CTNNA2: variants seen among roughly 807,000 people sequenced by gnomAD.
The protein encoded by CTNNA2 is catenin alpha-2.
A neutral mutation model predicts 101.0 loss-of-function variants in CTNNA2; 42 were observed. That is an observed-to-expected ratio of 0.42 (90% CI 0.32 to 0.54). The LOEUF (loss-of-function observed/expected upper bound fraction) is 0.54, where lower values mean the gene tolerates loss of function less well. Among genes scored for constraint, CTNNA2 ranks in the 20% least tolerant of loss-of-function variants. The pLI is 0.14. For synonymous variants in CTNNA2, 450 were observed against 456.4 expected (o/e 0.99, Z 0.18); for missense variants, 871 against 1,223.1 (o/e 0.71, Z 4.29).
intron 13 of CTNNA2, chr2:80,575,373 G>A (rs1193325300): frequency 6.6e-6 from 1 of 152,052 alleles, no homozygotes; most frequent in Non-Finnish European, 1.5e-5. Context: ...GGCACACTAT[G>A]GTGTTTTGTT....
At chr2:79,542,348 C>T (rs1382980476) in intron 1 of CTNNA2, among the ~76,000 whole-genome samples, 2 of 152,114 alleles carry the variant, frequency 1.3e-5, no homozygotes, top group Admixed American at 1.3e-4. Context: ...AATAACTATT[C>T]TATTTAGTAT....
chr2:79,903,500 T>A (rs998098358), intron 6 of CTNNA2, among the ~76,000 whole-genome samples: 16 of 152,122 alleles, frequency 1.1e-4, no homozygotes, highest in African/African-American at 1.7e-4. Context: ...GGCAGAGAAG[T>A]CGCTTCAGAA....
At chr2:79,271,282 A>G (rs545159561) in intron 2 of CTNNA2, among the ~76,000 whole-genome samples, 8 of 152,046 alleles carry the variant, frequency 5.3e-5, no homozygotes, top group African/African-American at 9.7e-5. Flanking sequence ...TATGGGTGAT[A>G]GAAGCATGTC....
intron 9 of CTNNA2, among the ~76,000 whole-genome samples, chr2:80,481,310 A>G (rs932171552): frequency 1.3e-5 from 2 of 152,034 alleles, no homozygotes; most frequent in African/African-American, 4.8e-5. Context: ...TCTTTGGGGT[A>G]TTGTATACAT....
chr2:80,567,096 C>T (rs1038197812), intron 12 of CTNNA2, among the ~76,000 whole-genome samples: 3 of 152,110 alleles, frequency 2.0e-5, no homozygotes, highest in South Asian at 2.1e-4. Context: ...GCGAAGTAGA[C>T]GTATAGATCC....
intron 2 of CTNNA2, among the ~76,000 whole-genome samples, chr2:79,229,202 C>T (rs531856881): frequency 3.3e-5 from 5 of 152,192 alleles, no homozygotes; most frequent in Non-Finnish European, 5.9e-5. Flanking sequence ...ATGCCTCTGG[C>T]TTTTTACTTT....
At chr2:80,307,103 A>G (rs1276483630) in intron 7 of CTNNA2, among the ~76,000 whole-genome samples, 1 of 150,274 alleles carries the variant, frequency 6.7e-6, no homozygotes, top group Non-Finnish European at 1.5e-5. Flanking sequence ...TTGCATTATT[A>G]TCCTGCAAAT....
chr2:79,197,727 T>A (rs1192381567), intron 1 of CTNNA2, among the ~76,000 whole-genome samples: 4 of 152,224 alleles, frequency 2.6e-5, no homozygotes, highest in Non-Finnish European at 4.4e-5. Flanking sequence ...TTACCTAGCC[T>A]CTGTGCCGTG....
intron 1 of CTNNA2, among the ~76,000 whole-genome samples, chr2:79,572,971 C>T (rs1675553356): frequency 6.6e-6 from 1 of 152,120 alleles, no homozygotes; most frequent in African/African-American, 2.4e-5. Context: ...TCACATATGG[C>T]ACATTAATTA....
At chr2:79,648,126 C>G (rs1056003322) in intron 1 of CTNNA2, among the ~76,000 whole-genome samples, 1 of 152,158 alleles carries the variant, frequency 6.6e-6, no homozygotes, top group Non-Finnish European at 1.5e-5. Flanking sequence ...ACCTCAAATG[C>G]CTGTGCATTT....
intron 12 of CTNNA2, among the ~76,000 whole-genome samples, chr2:80,568,596 T>TGTGTGA (rs1234760374): frequency 7.0e-6 from 1 of 142,502 alleles, no homozygotes; most frequent in African/African-American, 2.6e-5. Context: ...TGTGTGTGTG[T>TGTGTGA]GAGATTAGGA....
At chr2:80,025,648 T>C (rs1306594975) in intron 7 of CTNNA2, among the ~76,000 whole-genome samples, 2 of 152,180 alleles carry the variant, frequency 1.3e-5, no homozygotes, top group African/African-American at 4.8e-5. Flanking sequence ...GAGTCCAAAA[T>C]GACCATTCTC....
chr2:80,053,402 C>A (rs1319213131), intron 7 of CTNNA2, among the ~76,000 whole-genome samples: 1 of 152,150 alleles, frequency 6.6e-6, no homozygotes, highest in Non-Finnish European at 1.5e-5. Context: ...AAGTAAATAT[C>A]TCTATCATAT....
chr2:80,565,776 G>A (rs1573292396), intron 12 of CTNNA2, among the ~76,000 whole-genome samples: 2 of 152,038 alleles, frequency 1.3e-5, no homozygotes. Context: ...CTCGATTCCC[G>A]ATTCCCGGTG....
intron 1 of CTNNA2, among the ~76,000 whole-genome samples, chr2:79,598,465 C>T (rs888398186): frequency 6.6e-6 from 1 of 152,212 alleles, no homozygotes; most frequent in Non-Finnish European, 1.5e-5. Context: ...ACATCCTCGC[C>T]AGCATTTGGT....
chr2:79,778,442 T>C (rs1674157572), intron 3 of CTNNA2, among the ~76,000 whole-genome samples: 1 of 152,190 alleles, frequency 6.6e-6, no homozygotes, highest in Admixed American at 6.5e-5. Flanking sequence ...ATTTAATGTG[T>C]TAGTATGGCA....
intron 2 of CTNNA2, among the ~76,000 whole-genome samples, chr2:79,212,571 T>C (rs1245031215): frequency 6.6e-6 from 1 of 152,202 alleles, no homozygotes; most frequent in Non-Finnish European, 1.5e-5. Context: ...AAGGTTTCAC[T>C]GAATACTAAG....
chr2:80,033,710 T>C (rs1053986295), intron 7 of CTNNA2, among the ~76,000 whole-genome samples: 7 of 152,100 alleles, frequency 4.6e-5, no homozygotes, highest in African/African-American at 1.4e-4. Context: ...ATGAAGTATC[T>C]ATGGTTAGAA....
chr2:80,079,891 AAAAT>A (rs1159800691), intron 7 of CTNNA2, among the ~76,000 whole-genome samples: 9 of 148,732 alleles, frequency 6.1e-5, no homozygotes, highest in African/African-American at 2.2e-4. Flanking sequence ...ATAATAAAAT[AAAAT>A]AAATAAAATA....
Sources: allele counts gnomAD v4.1 joint callset (sites outside exome capture counted in the v4.1 genomes callset), GRCh38; gene constraint gnomAD v4.1.1; transcripts MANE v1.5; gene names NCBI Gene and HGNC (gene_info 2026-07-23, HGNC 2026-07-21).